MAPK4: variants seen among roughly 807,000 people sequenced by gnomAD.
MAPK4 encodes mitogen-activated protein kinase 4.
A neutral mutation model predicts 47.7 loss-of-function variants in MAPK4; 22 were observed. The observed-to-expected ratio is 0.46, with a 90% CI of 0.33 to 0.66. The LOEUF (loss-of-function observed/expected upper bound fraction) is 0.66, where lower values mean the gene tolerates loss of function less well. Ranked by LOEUF, MAPK4 falls within the 30% of genes least tolerant of loss-of-function variation. The probability of loss-of-function intolerance (pLI) is 0.02; values close to 1 mark genes in which losing one functional copy is unlikely to be tolerated. For missense variants in MAPK4, 736 were observed against 831.7 expected, an observed-to-expected ratio of 0.88 and a Z score of 1.42; for synonymous variants, 390 against 365.7, an observed-to-expected ratio of 1.07 and a Z score of -0.76.
At chr18:50,644,945 G>C (rs1426175740) in intron 1 of MAPK4, among the ~76,000 whole-genome samples, 1 of 152,160 alleles carries the variant, frequency 6.6e-6, no homozygotes, top group African/African-American at 2.4e-5. Flanking sequence ...CTGCCACATG[G>C]CTATTCTAAG....
At chr18:50,659,179 G>T (rs923058299) in intron 1 of MAPK4, among the ~76,000 whole-genome samples, 1 of 152,168 alleles carries the variant, frequency 6.6e-6, no homozygotes, top group African/African-American at 2.4e-5. Context: ...CCAATGCCTG[G>T]TCTAGAGGAC....
At chr18:50,713,589 T>C (rs1334934036) in intron 2 of MAPK4, among the ~76,000 whole-genome samples, 2 of 152,220 alleles carry the variant, frequency 1.3e-5, no homozygotes, top group Non-Finnish European at 2.9e-5. Flanking sequence ...AAGACACAGC[T>C]GCTGCCCATG....
intron 2 of MAPK4, among the ~76,000 whole-genome samples, chr18:50,710,820 TAAA>T (rs1568092051): frequency 3.9e-4 from 59 of 151,628 alleles, no homozygotes; most frequent in African/African-American, 1.4e-3. Context: ...AATAAATAAA[TAAA>T]TAAATTCATC....
chr18:50,561,097 T>C (rs2042149584), intron 1 of MAPK4, among the ~76,000 whole-genome samples: 1 of 152,142 alleles, frequency 6.6e-6, no homozygotes, highest in East Asian at 1.9e-4. Flanking sequence ...GGGTGGGGAA[T>C]GGATTCCGAT....
At chr18:50,683,884 T>A (rs146932431) in intron 2 of MAPK4, among the ~76,000 whole-genome samples, 2 of 152,174 alleles carry the variant, frequency 1.3e-5, no homozygotes, top group East Asian at 3.9e-4. Flanking sequence ...AGTGGTTAGA[T>A]TGTCTCGCTT....
intron 1 of MAPK4, among the ~76,000 whole-genome samples, chr18:50,567,687 C>G (rs2042210960): frequency 6.6e-6 from 1 of 151,938 alleles, no homozygotes; most frequent in East Asian, 1.9e-4. Flanking sequence ...ATTTTGCTTA[C>G]CAACACAGCT....
intron 1 of MAPK4, among the ~76,000 whole-genome samples, chr18:50,619,621 A>G (rs2042714059): frequency 6.6e-6 from 1 of 152,076 alleles, no homozygotes; most frequent in Non-Finnish European, 1.5e-5. Context: ...GAGCCACCAC[A>G]CTGGGCCTGG....
intron 1 of MAPK4, among the ~76,000 whole-genome samples, chr18:50,656,568 A>G (rs1047808718): frequency 6.6e-6 from 1 of 152,228 alleles, no homozygotes; most frequent in African/African-American, 2.4e-5. Context: ...GAAATGAGTC[A>G]GTGAGTCCAG....
rs979254184 is a variant in MAPK4 at position 50,645,615 on chromosome 18, G to A, written c.-870-17474G>A. ...TCTGACCTCAAAAGGAAACAGAGCC[G>A]GAGAAGGGCAGTCCCTTGTCAAGGG... On this transcript the variant is annotated intron_variant, in intron 1 of 5. Transcript: ENST00000400384. 5.9e-5 allele frequency among the ~76,000 whole-genome samples: 9 copies of A among 152,180 alleles called. No individual in the cohort carries two copies. The South Asian group carries it at 8.3e-4, about 14-fold the overall frequency.
At chr18:50,583,146 A>G (rs1036370476) in intron 1 of MAPK4, among the ~76,000 whole-genome samples, 1 of 152,168 alleles carries the variant, frequency 6.6e-6, no homozygotes, top group Non-Finnish European at 1.5e-5. Flanking sequence ...AAAGCTCTCA[A>G]CTGAAAGAGG....
chr18:50,681,769 T>C (rs990818908), intron 2 of MAPK4, among the ~76,000 whole-genome samples: 1 of 152,234 alleles, frequency 6.6e-6, no homozygotes, highest in Non-Finnish European at 1.5e-5. Flanking sequence ...TTGCTGTATA[T>C]ATCGCTGTTA....
chr18:50,578,869 G>A (rs917878869), intron 1 of MAPK4, among the ~76,000 whole-genome samples: 1 of 152,204 alleles, frequency 6.6e-6, no homozygotes, highest in Non-Finnish European at 1.5e-5. Flanking sequence ...GAGGCTTCCA[G>A]GAGCACGTGA....
intron 2 of MAPK4, among the ~76,000 whole-genome samples, chr18:50,684,877 G>A (rs1598908661): frequency 6.6e-6 from 1 of 152,330 alleles, no homozygotes; most frequent in Admixed American, 6.5e-5. Flanking sequence ...TGAGGCCAGA[G>A]GGCCGGGAGC....
rs538746621 is a variant in MAPK4, at chr18:50,567,572, G to A, written c.-871+7329G>A. On this transcript the variant is annotated intron_variant, in intron 1 of 5. Coordinates refer to ENST00000400384, the MANE Select transcript of MAPK4 (RefSeq NM_002747.4). Reference sequence around the variant, plus strand: ...ATGGTGTACCAGTTTACCTTATATTGATAGCATACTATAAATGATGAAATT... The same window carrying A: ...ATGGTGTACCAGTTTACCTTATATTAATAGCATACTATAAATGATGAAATT... Among the ~76,000 whole-genome samples, 10 of 152,204 alleles carry A rather than the reference G, an allele frequency of 6.6e-5. 1 individual carries two copies. Among genetic ancestry groups the A allele is most frequent in the Admixed American group, 6.5e-4 (10 of 15,302 alleles).
chr18:50,591,435 C>CT (rs367821679), intron 1 of MAPK4, among the ~76,000 whole-genome samples: 2 of 151,396 alleles, frequency 1.3e-5, no homozygotes, highest in East Asian at 1.9e-4. Context: ...TGACTTAAGA[C>CT]TTTTTTTTAG....
chr18:50,662,763 T>C (rs929629642), intron 1 of MAPK4, among the ~76,000 whole-genome samples: 5 of 152,252 alleles, frequency 3.3e-5, no homozygotes, highest in Admixed American at 6.5e-5. Flanking sequence ...TTGGAGAGCA[T>C]AAAACAAATT....
At chr18:50,717,521 C>T (rs1910706090) in intron 3 of MAPK4, among the ~76,000 whole-genome samples, 3 of 152,110 alleles carry the variant, frequency 2.0e-5, no homozygotes. Flanking sequence ...AGCCTTACCC[C>T]AGCCCCCTTT....
intron 1 of MAPK4, among the ~76,000 whole-genome samples, chr18:50,586,836 A>G (rs189488362): frequency 6.6e-6 from 1 of 152,302 alleles, no homozygotes; most frequent in East Asian, 1.9e-4. Context: ...TGGTAATATT[A>G]AAGACATTCT....
intron 2 of MAPK4, among the ~76,000 whole-genome samples, chr18:50,694,766 C>T (rs916819967): frequency 1.3e-5 from 2 of 152,270 alleles, no homozygotes; most frequent in East Asian, 3.9e-4. Flanking sequence ...TCTCCTTGCT[C>T]CCTTACTCTG....
Sources: allele counts gnomAD v4.1 joint callset (sites outside exome capture counted in the v4.1 genomes callset), GRCh38; gene constraint gnomAD v4.1.1; transcripts MANE v1.5; gene names NCBI Gene and HGNC (gene_info 2026-07-23, HGNC 2026-07-21).